The following C7orf57 variants were observed in gnomAD, a reference collection of about 807,000 sequenced individuals.
The protein encoded by C7orf57 is chromosome 7 open reading frame 57.
A neutral mutation model predicts 39.0 loss-of-function variants in C7orf57; 33 were observed. That is an observed-to-expected ratio of 0.85 (90% CI 0.64 to 1.13). C7orf57 has a LOEUF of 1.13. C7orf57 is among the 50% of genes most tolerant of loss of function. The pLI, the probability that C7orf57 is intolerant of heterozygous loss-of-function variation, is 0.00. For synonymous variants in C7orf57, 124 were observed against 137.1 expected, an observed-to-expected ratio of 0.90 and a Z score of 0.67; for missense variants, 346 against 362.3, an observed-to-expected ratio of 0.95 and a Z score of 0.37.
intron 3 of C7orf57, among the ~76,000 whole-genome samples, 179 bp from the exon 4 acceptor site, chr7:48,043,302 C>T (rs1239634224): frequency 6.6e-6 from 1 of 152,190 alleles, no homozygotes; most frequent in Non-Finnish European, 1.5e-5. Flanking sequence ...AGGACGCCCA[C>T]CTGTCAGCCT....
chr7:48,049,640 G>A (rs1289677959), intron 5 of C7orf57, among the ~76,000 whole-genome samples: 3 of 152,208 alleles, frequency 2.0e-5, no homozygotes, highest in Non-Finnish European at 4.4e-5. Flanking sequence ...TTTTCCTCCT[G>A]AGCAGATGGC....
chr7:48,046,394 T>C (rs1471520565), intron 4 of C7orf57, 66 bp from the exon 5 acceptor site: 8 of 1,468,056 alleles, frequency 5.4e-6, no homozygotes, highest in Non-Finnish European at 6.5e-6. Flanking sequence ...GCGATGGAGA[T>C]GGAAGGAAGG....
intron 3 of C7orf57, 70 bp from the exon 4 acceptor site, chr7:48,043,411 C>T (rs1790609147): frequency 8.6e-7 from 1 of 1,163,326 alleles, no homozygotes; most frequent in South Asian, 1.3e-5. Flanking sequence ...TTGAGCCTAT[C>T]ACTGGCAATG....
chr7:48,045,997 G>T (rs1446692853), intron 4 of C7orf57, among the ~76,000 whole-genome samples: 1 of 152,206 alleles, frequency 6.6e-6, no homozygotes, highest in African/African-American at 2.4e-5. Context: ...TATCCTAAAA[G>T]AAATAATTAT....
intron 2 of C7orf57, 102 bp from the exon 3 acceptor site, chr7:48,041,232 C>T (rs1393748675): frequency 5.5e-6 from 6 of 1,096,724 alleles, no homozygotes; most frequent in Non-Finnish European, 6.4e-6. Flanking sequence ...GCTTGCACTG[C>T]CCCACCTGAT....
intron 4 of C7orf57, among the ~76,000 whole-genome samples, chr7:48,045,630 C>G (rs1244472721): frequency 6.6e-6 from 1 of 152,198 alleles, no homozygotes. Flanking sequence ...TCCTGGAGCC[C>G]TGAACAAGTA....
chr7:48,035,811 T>C lies in C7orf57; in HGVS notation c.-102+181T>C, dbSNP rs1014002273. Among the ~76,000 whole-genome samples the C allele has an allele frequency of 5.9e-5, 9 of 152,132 alleles. No homozygotes were observed. The highest frequency in any genetic ancestry group is 2.2e-4 in the African/African-American group (9 of 41,426). Reference sequence around the variant, plus strand: ...AAGCCTGCCCAAGTCCCGCGGCCCCTTGGTTACCTGTTGCTTATCCTCTCT... The same window carrying C: ...AAGCCTGCCCAAGTCCCGCGGCCCCCTGGTTACCTGTTGCTTATCCTCTCT... On this transcript the variant is annotated intron_variant, in intron 1 of 8. Coordinates refer to ENST00000348904, the MANE Select transcript of C7orf57 (RefSeq NM_001100159.3). The surrounding 1 kb of genome is among the most constrained non-coding windows in gnomAD (Gnocchi z 4.0).
chr7:48,043,334 A>G (rs1790606719), intron 3 of C7orf57, 147 bp from the exon 4 acceptor site: 2 of 636,902 alleles, frequency 3.1e-6, no homozygotes, highest in East Asian at 2.8e-5. Flanking sequence ...GGTGAGGATC[A>G]GGGATGCTCT....
intron 7 of C7orf57, among the ~76,000 whole-genome samples, chr7:48,053,561 C>G (rs749748348): frequency 6.6e-6 from 1 of 152,096 alleles, no homozygotes; most frequent in African/African-American, 2.4e-5. Flanking sequence ...AAGCGATCCT[C>G]CCATCTAAGT....
chr7:48,055,457 T>A (rs1461778208), intron 8 of C7orf57, among the ~76,000 whole-genome samples: 1 of 152,218 alleles, frequency 6.6e-6, no homozygotes, highest in Admixed American at 6.5e-5. Flanking sequence ...TACCCTTTTT[T>A]TGTGGTGATC....
chr7:48,042,887 G>A (rs1328776239), intron 3 of C7orf57, among the ~76,000 whole-genome samples: 3 of 152,142 alleles, frequency 2.0e-5, no homozygotes, highest in African/African-American at 7.2e-5. Flanking sequence ...GAGCTGGCCT[G>A]GGCCTCTGAG....
At chr7:48,043,289 A>C (rs1039499717) in intron 3 of C7orf57, among the ~76,000 whole-genome samples, 192 bp from the exon 4 acceptor site, 1 of 152,180 alleles carries the variant, frequency 6.6e-6, no homozygotes, top group Admixed American at 6.5e-5. Context: ...CTGAGCACAA[A>C]GCAGGACGCC....
rs559923986 is a variant in C7orf57 at position 48,035,756 on chromosome 7, G to C, written c.-102+126G>C. On this transcript the variant is annotated intron_variant, in intron 1 of 8. Coordinates refer to ENST00000348904, the MANE Select transcript of C7orf57 (RefSeq NM_001100159.3). This position sits in a 1 kb window ranked among gnomAD's most constrained non-coding sequence, Gnocchi z 4.0. ...GGAGGGAGGGGACCACCTTGTCGCC[G>C]GGTTGGGATGAGCACAGGGCGGGAT... 6.9e-6 allele frequency: 4 copies of C among 583,506 alleles called. No individual in the cohort carries two copies. The highest frequency in any genetic ancestry group is 9.1e-6 in the Non-Finnish European group (3 of 329,706). 36.1% of individuals were successfully genotyped at this position (583,506 alleles called of 1,614,324 possible).
rs538877365 is a variant in C7orf57 at position 48,039,507 on chromosome 7, G to C, written c.56-1827G>C. Among the ~76,000 whole-genome samples, 7 of 151,714 alleles carry C rather than the reference G, an allele frequency of 4.6e-5. No individual in the cohort carries two copies. In the East Asian group the frequency reaches 1.2e-3, roughly 25 times the overall value. ...GGATTCATTCAGTCAGCTGGCGGGTGGTGGGGGGCTTAGAAGTTTATTTTT... is the reference window on the plus strand; with the variant it reads ...GGATTCATTCAGTCAGCTGGCGGGTCGTGGGGGGCTTAGAAGTTTATTTTT... On this transcript the variant is annotated intron_variant, in intron 2 of 8. Coordinates refer to ENST00000348904, the MANE Select transcript of C7orf57 (RefSeq NM_001100159.3).
intron 2 of C7orf57, among the ~76,000 whole-genome samples, chr7:48,040,655 T>C (rs1318882616): frequency 1.3e-5 from 2 of 152,002 alleles, no homozygotes; most frequent in African/African-American, 4.8e-5. Context: ...AATTCTCATG[T>C]GGGGAGTCTG....
chr7:48,044,223 C>T (rs1296671294), intron 4 of C7orf57, among the ~76,000 whole-genome samples: 2 of 152,068 alleles, frequency 1.3e-5, no homozygotes, highest in Non-Finnish European at 2.9e-5. Flanking sequence ...AGCGGCGGGT[C>T]TGCAACGGAG....
intron 6 of C7orf57, among the ~76,000 whole-genome samples, chr7:48,050,862 T>C (rs1219805494): frequency 1.3e-5 from 2 of 152,038 alleles, no homozygotes; most frequent in African/African-American, 2.4e-5. Flanking sequence ...AGAGACAAGA[T>C]CTCACTATGT....
At chr7:48,046,267 AAG>A (rs948260381) in intron 4 of C7orf57, among the ~76,000 whole-genome samples, 191 bp from the exon 5 acceptor site, 2 of 151,552 alleles carry the variant, frequency 1.3e-5, no homozygotes, top group African/African-American at 2.4e-5. Flanking sequence ...GGAAGAGGAA[AAG>A]AGAGAAAGAG....
At position 48,046,538 on chromosome 7, in the gene C7orf57, C is replaced by T. The variant is rs896762198; in HGVS notation, c.429C>T (p.Ser143=). ...NPDQANGSYA[S]RRGPFDFDMK... is the part of the protein sequence containing the mutation. ...ATCAAGCCAATGGTAGCTATGCATC[C>T]AGAAGAGGGCCCTTCGACTTCGACA... Residue 143 remains serine, a synonymous_variant, in exon 5 of 9, where the codon TCC becomes TCT. Transcript: ENST00000348904. The T allele has an allele frequency of 3.1e-6, 5 of 1,613,774 alleles. No individual in the cohort carries two copies. The highest frequency in any genetic ancestry group is 4.2e-6 in the Non-Finnish European group (5 of 1,179,848).
Sources: gnomAD v4.1 joint callset for allele counts (sites outside exome capture counted in the v4.1 genomes callset) on GRCh38, gnomAD v4.1.1 for gene constraint, Gnocchi (gnomAD v3.1) non-coding constraint, MANE v1.5 for transcripts, NCBI Gene and HGNC (gene_info 2026-07-23, HGNC 2026-07-21) for gene names.